Variants in REV3L observed in about 807,000 individuals in gnomAD.
REV3L encodes the protein REV3 like, DNA directed polymerase zeta catalytic subunit, also known as DNA polymerase zeta catalytic subunit.
REV3L carries 69 observed loss-of-function variants against 299.4 expected under a neutral mutation model. The observed-to-expected ratio is 0.23, with a 90% confidence interval of 0.19 to 0.28. The LOEUF is 0.28. Among genes scored for constraint, REV3L ranks in the 10% least tolerant of loss-of-function variants. REV3L has a pLI of 1.00. For missense variants in REV3L, 3,128 were observed against 3,693.8 expected, an observed-to-expected ratio of 0.85 and a Z score of 3.97; for synonymous variants, 1,238 against 1,271.4, an observed-to-expected ratio of 0.97 and a Z score of 0.56.
chr6:111,389,971 T>C (rs1318005639), intron 6 of REV3L, 115 bp downstream of exon 6: 5 of 625,962 alleles, frequency 8.0e-6, no homozygotes, highest in African/African-American at 3.7e-5. Context: ...TCTGACCTCA[T>C]GATCCACCCA....
At chr6:111,430,259 G>A in intron 1 of REV3L, 1 of 934,532 alleles carries the variant, frequency 1.1e-6, no homozygotes. Context: ...GAATCAACTG[G>A]CGAGACAATT....
At chr6:111,452,985 T>C (rs1233539935) in intron 1 of REV3L, among the ~76,000 whole-genome samples, 1 of 152,080 alleles carries the variant, frequency 6.6e-6, no homozygotes, top group African/African-American at 2.4e-5. Context: ...GCAATGTCAT[T>C]CTTTACATAT....
intron 26 of REV3L, among the ~76,000 whole-genome samples, chr6:111,318,014 T>G (rs1050622431): frequency 6.6e-6 from 1 of 152,196 alleles, no homozygotes; most frequent in Non-Finnish European, 1.5e-5. Flanking sequence ...TTTGCAGTTT[T>G]GGACTATTAC....
chr6:111,392,754 AGTGT>A, intron 5 of REV3L, 118 bp downstream of exon 5: 1 of 594,264 alleles, frequency 1.7e-6, no homozygotes, highest in South Asian at 2.5e-5. Flanking sequence ...GTTTCTGTTA[AGTGT>A]ATAGATTAAA....
chr6:111,407,483 C>T (rs1783768920), intron 3 of REV3L, among the ~76,000 whole-genome samples: 1 of 152,148 alleles, frequency 6.6e-6, no homozygotes, highest in South Asian at 2.1e-4. Context: ...GTATATATCA[C>T]AGAAGCTAAC....
intron 24 of REV3L, 52 bp downstream of exon 24, chr6:111,331,624 T>C: frequency 8.1e-7 from 1 of 1,232,886 alleles, no homozygotes; most frequent in Non-Finnish European, 1.2e-6. Flanking sequence ...CATTATCAGC[T>C]CTCCAAAAGT....
At chr6:111,465,531 T>G (rs2128330358) in intron 1 of REV3L, among the ~76,000 whole-genome samples, 1 of 151,564 alleles carries the variant, frequency 6.6e-6, no homozygotes, top group African/African-American at 2.4e-5. Flanking sequence ...GTCAGGAGTT[T>G]GAGACAAGCC....
intron 9 of REV3L, among the ~76,000 whole-genome samples, chr6:111,384,796 C>A (rs1781180731): frequency 6.6e-6 from 1 of 152,192 alleles, no homozygotes; most frequent in Non-Finnish European, 1.5e-5. Context: ...GATATCTGCA[C>A]TCCCATGTTT....
chr6:111,357,980 G>A (rs917527908), intron 17 of REV3L, among the ~76,000 whole-genome samples: 2 of 150,972 alleles, frequency 1.3e-5, no homozygotes, highest in Non-Finnish European at 2.9e-5. Flanking sequence ...ACTGGCTTGT[G>A]AGCTGGTATG....
intron 1 of REV3L, among the ~76,000 whole-genome samples, chr6:111,472,528 TTC>T (rs1396125617): frequency 9.2e-5 from 14 of 151,804 alleles, no homozygotes; most frequent in Non-Finnish European, 2.1e-4. Context: ...TGAGCTCAAA[TTC>T]TTAGTATTTC....
intron 1 of REV3L, among the ~76,000 whole-genome samples, chr6:111,448,082 G>T (rs1293600281): frequency 6.6e-6 from 1 of 152,024 alleles, no homozygotes; most frequent in Non-Finnish European, 1.5e-5. Context: ...GGCTCCTTGG[G>T]GCTGTTCATA....
chr6:111,429,649 AAATG>A lies in REV3L; in HGVS notation c.140-13181_140-13178del, dbSNP rs555825996. On this transcript the variant is annotated intron_variant, in intron 1 of 31. Coordinates refer to ENST00000368802, the MANE Select transcript of REV3L (RefSeq NM_001372078.1). ...TAAAAATTAACACAACATAGTGTCA[AAATG>A]TGGGGGGCGGGGTGGGGTGGAGTTA... 2.0e-3 allele frequency among the ~76,000 whole-genome samples: 302 copies of A among 152,248 alleles called. 1 individual carries two copies. The highest frequency in any genetic ancestry group is 0.014 in the Middle Eastern group (4 of 294).
At chr6:111,304,916 C>A (rs1163763119) in intron 31 of REV3L, among the ~76,000 whole-genome samples, 2 of 150,986 alleles carry the variant, frequency 1.3e-5, no homozygotes, top group South Asian at 4.2e-4. Flanking sequence ...CATGTTGTTA[C>A]AAAGGACATG....
intron 1 of REV3L, among the ~76,000 whole-genome samples, chr6:111,450,677 A>G (rs1345984714): frequency 6.6e-6 from 1 of 152,232 alleles, no homozygotes; most frequent in African/African-American, 2.4e-5. Flanking sequence ...AAACTATTAC[A>G]TATTATGGAG....
intron 10 of REV3L, among the ~76,000 whole-genome samples, chr6:111,381,002 C>G: frequency 6.6e-6 from 1 of 152,200 alleles, no homozygotes; most frequent in East Asian, 1.9e-4. Context: ...CAAGAAAGAA[C>G]CACTTATGGT....
chr6:111,327,025 A>T (rs1774902146), intron 25 of REV3L, among the ~76,000 whole-genome samples: 1 of 152,224 alleles, frequency 6.6e-6, no homozygotes, highest in African/African-American at 2.4e-5. Flanking sequence ...ACCAGGGTCA[A>T]GGAAGCAGGT....
intron 26 of REV3L, among the ~76,000 whole-genome samples, chr6:111,318,480 T>C (rs1447726507): frequency 6.6e-6 from 1 of 152,164 alleles, no homozygotes; most frequent in East Asian, 1.9e-4. Context: ...CTGGGTCATA[T>C]GCTAAGTGTA....
Position 111,299,998 on chromosome 6 carries a change from T to G in REV3L, c.*18A>C. 6.2e-7 allele frequency: 1 copy of G among 1,607,482 alleles called. No homozygotes were observed. The highest frequency in any genetic ancestry group is 8.5e-7 in the Non-Finnish European group (1 of 1,177,374). Reference sequence around the variant, plus strand: ...GCACTGAAAAAAATAGCACCTGTAATACTGTGATATTGACAATTTAAAACT... The same window carrying G: ...GCACTGAAAAAAATAGCACCTGTAAGACTGTGATATTGACAATTTAAAACT... On this transcript the variant is annotated 3_prime_UTR_variant, in exon 32 of 32. Transcript: ENST00000368802.
At position 111,308,686 on chromosome 6, in the gene REV3L, C is replaced by T. The variant is rs189645404; in HGVS notation, c.9043-1116G>A. Among the ~76,000 whole-genome samples, 866 of 152,292 alleles carry T rather than the reference C, an allele frequency of 5.7e-3. 7 individuals are homozygous for T. Among genetic ancestry groups the T allele is most frequent in the Middle Eastern group, 0.01 (3 of 294 alleles). ...TCTAGATACTAAATCCTACACCTTT[C>T]TTAGACATTCATTTCGAAGGAATTT... On this transcript the variant is annotated intron_variant, in intron 30 of 31. Coordinates refer to ENST00000368802, the MANE Select transcript of REV3L (RefSeq NM_001372078.1).
Sources: allele counts gnomAD v4.1 joint callset (sites outside exome capture counted in the v4.1 genomes callset), GRCh38; gene constraint gnomAD v4.1.1; transcripts MANE v1.5; gene names NCBI Gene and HGNC (gene_info 2026-07-23, HGNC 2026-07-21).